UTRN: variants seen among roughly 807,000 people sequenced by gnomAD.
UTRN encodes the protein dystrophin-related protein 1.
A neutral mutation model predicts 463.9 loss-of-function variants in UTRN; 283 were observed. That is an observed-to-expected ratio of 0.61 (90% CI 0.55 to 0.67). UTRN has a LOEUF of 0.67. Ranked by LOEUF, UTRN falls within the 30% of genes least tolerant of loss-of-function variation. The pLI is 0.00. For synonymous variants in UTRN, 1,442 were observed against 1,431.5 expected, an observed-to-expected ratio of 1.01 and a Z score of -0.17; for missense variants, 3,922 against 4,084.3, an observed-to-expected ratio of 0.96 and a Z score of 1.08.
chr6:144,329,627 A>G (rs1235976537), intron 2 of UTRN, among the ~76,000 whole-genome samples: 1 of 152,200 alleles, frequency 6.6e-6, no homozygotes, highest in Non-Finnish European at 1.5e-5. Context: ...TGACACAGTC[A>G]AAGCTACCAC....
At chr6:144,557,576 T>C (rs1477177720) in intron 50 of UTRN, among the ~76,000 whole-genome samples, 1 of 152,186 alleles carries the variant, frequency 6.6e-6, no homozygotes, top group Non-Finnish European at 1.5e-5. Flanking sequence ...TTATGTGTTC[T>C]GATTGTCTTA....
At chr6:144,668,928 C>T (rs898572534) in intron 51 of UTRN, among the ~76,000 whole-genome samples, 4 of 152,164 alleles carry the variant, frequency 2.6e-5, no homozygotes, top group Non-Finnish European at 4.4e-5. Flanking sequence ...AGATTCATTG[C>T]CTGAAATGCA....
chr6:144,757,122 A>G (rs183554613), intron 57 of UTRN, among the ~76,000 whole-genome samples: 16 of 152,070 alleles, frequency 1.1e-4, no homozygotes, highest in Admixed American at 9.9e-4. Context: ...TTCATTTAGC[A>G]AAATTCTTTT....
intron 73 of UTRN, among the ~76,000 whole-genome samples, chr6:144,841,530 G>A (rs1781574876): frequency 6.6e-6 from 1 of 152,034 alleles, no homozygotes; most frequent in African/African-American, 2.4e-5. Flanking sequence ...TTTTGGCTGA[G>A]CTCTCACCTA....
intron 62 of UTRN, among the ~76,000 whole-genome samples, chr6:144,791,327 C>T (rs944470793): frequency 2.0e-5 from 3 of 152,252 alleles, no homozygotes; most frequent in Middle Eastern, 3.4e-3. Context: ...TTCTCTTGGT[C>T]CTTTCCTAAG....
chr6:144,742,159 T>C (rs138634993), intron 54 of UTRN, among the ~76,000 whole-genome samples: 1 of 152,328 alleles, frequency 6.6e-6, no homozygotes, highest in African/African-American at 2.4e-5. Context: ...TTATCATATC[T>C]GTATTGAAAG....
In UTRN at chr6:144,827,448, C is replaced by T. The variant is rs139722585; in HGVS notation, c.9533+62C>T. 468 of 1,608,460 alleles carry T rather than the reference C, an allele frequency of 2.9e-4. 1 individual carries two copies. The African/African-American group carries it at 5.5e-3, about 19-fold the overall frequency. On this transcript the variant is annotated intron_variant, in intron 67 of 74. Coordinates refer to ENST00000367545, the MANE Select transcript of UTRN (RefSeq NM_007124.3). ...TGATCAGTGGTACTAGCATGGGGGTCTTACTAAACTCTTGGTCTAAAATAA... is the reference window on the plus strand; with the variant it reads ...TGATCAGTGGTACTAGCATGGGGGTTTTACTAAACTCTTGGTCTAAAATAA...
intron 53 of UTRN, among the ~76,000 whole-genome samples, chr6:144,708,784 T>C (rs1223545934): frequency 6.6e-6 from 1 of 152,130 alleles, no homozygotes; most frequent in Non-Finnish European, 1.5e-5. Flanking sequence ...ACTGAGTCAT[T>C]TATAAGGAAG....
intron 51 of UTRN, among the ~76,000 whole-genome samples, chr6:144,600,495 G>A (rs1375399281): frequency 6.6e-6 from 1 of 152,206 alleles, no homozygotes; most frequent in Non-Finnish European, 1.5e-5. Context: ...GATCAAACCA[G>A]TCACAACATT....
At chr6:144,362,029 A>G (rs1326724843) in intron 2 of UTRN, among the ~76,000 whole-genome samples, 2 of 152,148 alleles carry the variant, frequency 1.3e-5, no homozygotes, top group Non-Finnish European at 2.9e-5. Flanking sequence ...TAATCATAAT[A>G]ATGGCAACAA....
intron 2 of UTRN, among the ~76,000 whole-genome samples, chr6:144,299,100 T>C (rs1046778611): frequency 6.6e-6 from 1 of 152,240 alleles, no homozygotes; most frequent in Admixed American, 6.5e-5. Flanking sequence ...AGTCAATATG[T>C]AGATTTATGC....
intron 35 of UTRN, among the ~76,000 whole-genome samples, chr6:144,512,441 T>C (rs1412686012): frequency 6.6e-6 from 1 of 152,208 alleles, no homozygotes; most frequent in African/African-American, 2.4e-5. Flanking sequence ...CAGATCACTG[T>C]TGATATTTTC....
intron 51 of UTRN, among the ~76,000 whole-genome samples, chr6:144,634,027 C>T (rs1351594813): frequency 6.6e-6 from 1 of 152,188 alleles, no homozygotes; most frequent in Non-Finnish European, 1.5e-5. Context: ...ACCTGGCAGT[C>T]AGAACAGGCT....
At position 144,461,285 on chromosome 6, in the gene UTRN, G is replaced by A; in HGVS notation, c.2796G>A (p.Val932=). The change falls in exon 22 of 75, where the codon GTG becomes GTA. Residue 932 remains valine, a synonymous_variant. Coordinates refer to ENST00000367545, the MANE Select transcript of UTRN (RefSeq NM_007124.3). ...ATGATTCAGAAAATAAGGCCCAGGT[G>A]TCTCTGAATGTCCTTAATGATCTTG... The part of the protein sequence containing the change: ...VLNDSENKAQ[V]SLNVLNDLAK... 1 of 1,604,830 alleles carries A rather than the reference G, an allele frequency of 6.2e-7. No individual in the cohort carries two copies. The highest frequency in any genetic ancestry group is 2.2e-5 in the East Asian group (1 of 44,758).
chr6:144,823,004 T>C (rs1779733669), intron 66 of UTRN, among the ~76,000 whole-genome samples: 1 of 152,188 alleles, frequency 6.6e-6, no homozygotes, highest in Non-Finnish European at 1.5e-5. Context: ...AATTTGCCTT[T>C]CAATGTCAAA....
intron 51 of UTRN, among the ~76,000 whole-genome samples, chr6:144,635,107 T>A (rs1361620854): frequency 2.0e-5 from 3 of 150,908 alleles, no homozygotes; most frequent in Non-Finnish European, 4.4e-5. Context: ...TTAAAGGCAA[T>A]CAACAATCTA....
chr6:144,754,912 T>G (rs4243473), intron 57 of UTRN, 114 bp downstream of exon 57: 1 of 960,574 alleles, frequency 1.0e-6, no homozygotes, highest in Admixed American at 2.7e-5. Flanking sequence ...AGATAGATCC[T>G]TGTAAGGAGG....
intron 56 of UTRN, among the ~76,000 whole-genome samples, chr6:144,752,460 G>A (rs1024812911): frequency 6.6e-6 from 1 of 151,988 alleles, no homozygotes; most frequent in Non-Finnish European, 1.5e-5. Flanking sequence ...AATGACTCTA[G>A]ACCTTATTTA....
rs1791001776 is a variant in UTRN, at chr6:144,748,488, C to T, written c.8182C>T (p.Leu2728=). 6.2e-7 allele frequency: 1 copy of T among 1,613,390 alleles called. No homozygotes were observed. Among genetic ancestry groups the T allele is most frequent in the Non-Finnish European group, 8.5e-7 (1 of 1,179,708 alleles). The change falls in exon 55 of 75, where the codon CTG becomes TTG. Residue 2728 remains leucine (L), a synonymous_variant. Transcript: ENST00000367545. Reference sequence around the variant, plus strand: ...CGTGGGAGACTTACTCATTGACTCGCTGCAGGATCACATTGAAAAAATCAT... The same window carrying T: ...CGTGGGAGACTTACTCATTGACTCGTTGCAGGATCACATTGAAAAAATCAT... ...KPVGDLLIDS[L]QDHIEKIMAF...
Sources: allele counts gnomAD v4.1 joint callset (sites outside exome capture counted in the v4.1 genomes callset), GRCh38; gene constraint gnomAD v4.1.1; transcripts MANE v1.5; gene names NCBI Gene and HGNC (gene_info 2026-07-23, HGNC 2026-07-21).